The following NEURL1B variants were observed in gnomAD, a reference collection of about 807,000 sequenced individuals.
NEURL1B encodes neuralized E3 ubiquitin protein ligase 1B.
NEURL1B carries 13 observed loss-of-function variants against 37.4 expected under a neutral mutation model. That is an observed-to-expected ratio of 0.35 (90% CI 0.23 to 0.55). The LOEUF is 0.55. Ranked by LOEUF, NEURL1B falls within the 20% of genes least tolerant of loss-of-function variation. The pLI is 0.89. For missense variants in NEURL1B, 790 were observed against 879.2 expected (o/e 0.90, Z 1.28); for synonymous variants, 432 against 426.6 (o/e 1.01, Z -0.16).
At chr5:172,670,408 A>G (rs1186056877) in intron 2 of NEURL1B, 78 bp downstream of exon 2, 6 of 1,175,010 alleles carry the variant, frequency 5.1e-6, no homozygotes, top group African/African-American at 3.2e-5. Flanking sequence ...ATTAGTAGCC[A>G]CAGTCACTTA....
chr5:172,662,918 G>A, intron 1 of NEURL1B, among the ~76,000 whole-genome samples: 1 of 152,150 alleles, frequency 6.6e-6, no homozygotes, highest in East Asian at 1.9e-4. Flanking sequence ...TGGGGCTGGA[G>A]CAGCCTGTGA....
At chr5:172,653,960 A>G (rs1757716008) in intron 1 of NEURL1B, among the ~76,000 whole-genome samples, 1 of 152,178 alleles carries the variant, frequency 6.6e-6, no homozygotes, top group African/African-American at 2.4e-5. Flanking sequence ...AATTTACCAT[A>G]TAACATACTT....
In NEURL1B at chr5:172,657,404, TAAG is replaced by T. The variant is rs1324861922; in HGVS notation, c.32-12378_32-12376del. On this transcript the variant is annotated intron_variant, in intron 1 of 4. Coordinates refer to ENST00000369800, the MANE Select transcript of NEURL1B (RefSeq NM_001142651.3). This position sits in a 1 kb window ranked among gnomAD's most constrained non-coding sequence, Gnocchi z 4.0. ...AGTATAATAAAGAAAATGGTTAGAA[TAAG>T]AATAGTCATAATACAAATTAGATAT... Among the ~76,000 whole-genome samples the T allele has an allele frequency of 2.0e-5, 3 of 152,170 alleles. No homozygotes were observed. Among genetic ancestry groups the T allele is most frequent in the Non-Finnish European group, 4.4e-5 (3 of 68,044 alleles).
intron 1 of NEURL1B, chr5:172,656,846 G>A: frequency 1.7e-6 from 1 of 603,328 alleles, no homozygotes; most frequent in Non-Finnish European, 2.9e-6. Flanking sequence ...TTTAGGATGG[G>A]GATAATGACA....
At chr5:172,667,338 C>T (rs975423837) in intron 1 of NEURL1B, among the ~76,000 whole-genome samples, 5 of 148,428 alleles carry the variant, frequency 3.4e-5, no homozygotes, top group Non-Finnish European at 5.9e-5. Flanking sequence ...CCCAGCTACT[C>T]GGGAGGCTGA....
intron 2 of NEURL1B, among the ~76,000 whole-genome samples, chr5:172,678,602 CTTGG>C (rs1758285355): frequency 6.6e-6 from 1 of 151,016 alleles, no homozygotes; most frequent in Non-Finnish European, 1.5e-5. Flanking sequence ...ACACCACCCC[CTTGG>C]TTGGCCATTG....
chr5:172,686,540 G>T lies in NEURL1B; in HGVS notation c.1424-141G>T, dbSNP rs371530117. ...AAGAGTAGAGAAAGGTGCAAAACCTGCAAGGTAAACTCAAATTAGTATCTC... is the reference window on the plus strand; with the variant it reads ...AAGAGTAGAGAAAGGTGCAAAACCTTCAAGGTAAACTCAAATTAGTATCTC... On this transcript the variant is annotated intron_variant, in intron 4 of 4. Transcript: ENST00000369800. This position sits in a 1 kb window ranked among gnomAD's most constrained non-coding sequence, Gnocchi z 7.9. 1.2e-4 allele frequency: 132 copies of T among 1,067,114 alleles called. 1 individual carries two copies. The African/African-American group carries it at 1.5e-3, about 12-fold the overall frequency. 66.1% of individuals were successfully genotyped at this position (1,067,114 alleles called of 1,614,324 possible). A position where few individuals can be genotyped will look rare whatever the true frequency, so the allele number is the denominator to read the frequency against.
At chr5:172,642,856 G>C (rs753171612) in intron 1 of NEURL1B, among the ~76,000 whole-genome samples, 2 of 152,252 alleles carry the variant, frequency 1.3e-5, no homozygotes, top group Non-Finnish European at 2.9e-5. Flanking sequence ...GGTTGGGGGA[G>C]AACCCACCCG....
chr5:172,667,085 G>T (rs906371428), intron 1 of NEURL1B, among the ~76,000 whole-genome samples: 2 of 151,734 alleles, frequency 1.3e-5, no homozygotes, highest in Non-Finnish European at 2.9e-5. Context: ...ATCTACTACT[G>T]GTATCTCCCT....
intron 1 of NEURL1B, among the ~76,000 whole-genome samples, chr5:172,659,039 C>A (rs1457620397): frequency 2.2e-5 from 3 of 133,870 alleles, no homozygotes; most frequent in Admixed American, 7.3e-5. Context: ...TGCCCGCCCC[C>A]CCCCCCCCAA....
Position 172,688,336 on chromosome 5 carries a change from C to A in NEURL1B, c.*1411C>A, listed in dbSNP as rs537760340. 1 of 152,866 alleles carries A rather than the reference C, an allele frequency of 6.5e-6. No individual in the cohort carries two copies. Among genetic ancestry groups the A allele is most frequent in the Admixed American group, 6.5e-5 (1 of 15,310 alleles). The allele number at this position is 152,866 out of a possible 1,614,324, so 9.5% of individuals were successfully genotyped here. ...ACAACTCCAGGAGTTCTTGGGAGGA[C>A]CAGTACAACGTTCTAAAAAGCCTGA... is the stretch of plus-strand genomic sequence containing the variant. On this transcript the variant is annotated 3_prime_UTR_variant, in exon 5 of 5. Transcript: ENST00000369800. The surrounding 1 kb of genome is among the most constrained non-coding windows in gnomAD (Gnocchi z 4.3).
rs1330211008 is a variant in NEURL1B at position 172,641,500 on chromosome 5, G to C, written c.31+63G>C. The C allele has an allele frequency of 8.1e-7, 1 of 1,231,436 alleles. No individual in the cohort carries two copies. The highest frequency in any genetic ancestry group is 1.0e-6 in the Non-Finnish European group (1 of 979,996). The allele number at this position is 1,231,436 out of a possible 1,614,324, so 76.3% of individuals were successfully genotyped here. A position where few individuals can be genotyped will look rare whatever the true frequency, so the allele number is the denominator to read the frequency against. ...GCTTCTCTCCTCCGGGGGACCCGCT[G>C]GGTGACTCTGGAGAGCTACCCCACG... On this transcript the variant is annotated intron_variant, in intron 1 of 4. Coordinates refer to ENST00000369800, the MANE Select transcript of NEURL1B (RefSeq NM_001142651.3). The surrounding 1 kb of genome is among the most constrained non-coding windows in gnomAD (Gnocchi z 6.4).
rs528911952 is a variant in NEURL1B at position 172,641,579 on chromosome 5, C to G, written c.31+142C>G. 4.4e-6 allele frequency: 3 copies of G among 688,918 alleles called. No homozygotes were observed. The highest frequency in any genetic ancestry group is 4.0e-6 in the Non-Finnish European group (2 of 494,030). 42.7% of individuals were successfully genotyped at this position (688,918 alleles called of 1,614,324 possible). On this transcript the variant is annotated intron_variant, in intron 1 of 4. Coordinates refer to ENST00000369800, the MANE Select transcript of NEURL1B (RefSeq NM_001142651.3). This position sits in a 1 kb window ranked among gnomAD's most constrained non-coding sequence, Gnocchi z 6.4. ...CTGGAGTCTCCGGTACCTCCCGGAC[C>G]TCAGCTCGGCGCGCGCCCCGCGGCT... is the stretch of plus-strand genomic sequence containing the variant.
intron 1 of NEURL1B, among the ~76,000 whole-genome samples, chr5:172,645,034 CG>C (rs1757534553): frequency 6.6e-6 from 1 of 152,190 alleles, no homozygotes; most frequent in African/African-American, 2.4e-5. Context: ...CACGCTTGAC[CG>C]AACCAACAGC....
rs1299823577 is a variant in NEURL1B, at chr5:172,652,451, A to G, written c.31+11014A>G. Among the ~76,000 whole-genome samples the G allele has an allele frequency of 2.0e-5, 3 of 152,240 alleles. No individual in the cohort carries two copies. The East Asian group carries it at 5.8e-4, about 29-fold the overall frequency. ...ATCTTGGTATTCTGTCTAATTGCCA[A>G]TGTTTGTTTTAACTCTTTAACTTCT... On this transcript the variant is annotated intron_variant, in intron 1 of 4. Transcript: ENST00000369800.
At chr5:172,671,062 C>T (rs916738206) in intron 2 of NEURL1B, among the ~76,000 whole-genome samples, 1 of 152,176 alleles carries the variant, frequency 6.6e-6, no homozygotes, top group Non-Finnish European at 1.5e-5. Context: ...GTAAAATTCA[C>T]ATAATAGAAC....
intron 1 of NEURL1B, among the ~76,000 whole-genome samples, chr5:172,646,994 C>T (rs1757573307): frequency 6.6e-6 from 1 of 152,130 alleles, no homozygotes; most frequent in South Asian, 2.1e-4. Flanking sequence ...AGGCTGCAGT[C>T]AGGAGGCTTG....
chr5:172,669,572 T>C (rs1758078814), intron 1 of NEURL1B, among the ~76,000 whole-genome samples: 1 of 152,166 alleles, frequency 6.6e-6, no homozygotes, highest in Non-Finnish European at 1.5e-5. Flanking sequence ...GGTTCGCTTA[T>C]CTGTGGCACG....
At chr5:172,643,581 C>G (rs1489756172) in intron 1 of NEURL1B, among the ~76,000 whole-genome samples, 1 of 152,230 alleles carries the variant, frequency 6.6e-6, no homozygotes, top group Admixed American at 6.5e-5. Context: ...TTTGCGGTTC[C>G]CTGAGGACAG....
Sources: gnomAD v4.1 joint callset for allele counts (sites outside exome capture counted in the v4.1 genomes callset) on GRCh38, gnomAD v4.1.1 for gene constraint, Gnocchi (gnomAD v3.1) non-coding constraint, MANE v1.5 for transcripts, NCBI Gene and HGNC (gene_info 2026-07-23, HGNC 2026-07-21) for gene names.